TRAF3: variants seen among roughly 807,000 people sequenced by gnomAD.
TRAF3 encodes TNF receptor-associated factor 3.
A neutral mutation model predicts 62.3 loss-of-function variants in TRAF3; 13 were observed. The observed-to-expected ratio is 0.21, with a 90% CI of 0.14 to 0.33. TRAF3 has a LOEUF of 0.33. TRAF3 is among the 10% of genes least tolerant of loss of function. The probability of loss-of-function intolerance (pLI) is 1.00; values close to 1 mark genes in which losing one functional copy is unlikely to be tolerated. For synonymous variants in TRAF3, 269 were observed against 283.4 expected (o/e 0.95, Z 0.51); for missense variants, 440 against 741.8 (o/e 0.59, Z 4.73).
chr14:102,855,715 G>C (rs1397757211), intron 2 of TRAF3, among the ~76,000 whole-genome samples: 2 of 151,396 alleles, frequency 1.3e-5, no homozygotes, highest in Non-Finnish European at 2.9e-5. Context: ...AGAATCACTT[G>C]AGCCTGAGGG....
intron 8 of TRAF3, 151 bp downstream of exon 8, chr14:102,889,785 C>CA (rs1889606969): frequency 1.1e-6 from 1 of 927,920 alleles, no homozygotes; most frequent in Non-Finnish European, 1.7e-6. Context: ...AAGCCACATG[C>CA]AGCAGGTGGG....
Position 102,903,566 on chromosome 14 carries a change from G to A in TRAF3, c.1135+137G>A. On this transcript the variant is annotated intron_variant, in intron 11 of 11. Transcript: ENST00000392745. This position sits in a 1 kb window ranked among gnomAD's most constrained non-coding sequence, Gnocchi z 6.4. The stretch of plus-strand genomic sequence containing the variant: ...TTTTTCTAATTATGGGTAACACGCA[G>A]AGGTGTGATGACTTTCCTACTGAAA... 1 of 1,247,828 alleles carries A rather than the reference G, an allele frequency of 8.0e-7. No individual in the cohort carries two copies. 77.3% of individuals were successfully genotyped at this position (1,247,828 alleles called of 1,614,324 possible).
At chr14:102,892,750 A>G (rs1412464311) in intron 9 of TRAF3, among the ~76,000 whole-genome samples, 1 of 152,216 alleles carries the variant, frequency 6.6e-6, no homozygotes, top group Non-Finnish European at 1.5e-5. Context: ...TTTTAAATAG[A>G]AAGATTTCCC....
At chr14:102,818,160 T>C (rs147021872) in intron 1 of TRAF3, among the ~76,000 whole-genome samples, 8 of 152,344 alleles carry the variant, frequency 5.3e-5, no homozygotes, top group South Asian at 2.1e-4. Flanking sequence ...CAAAACACTT[T>C]ACAAATACAC....
intron 1 of TRAF3, among the ~76,000 whole-genome samples, chr14:102,799,601 C>T (rs1898276735): frequency 6.6e-6 from 1 of 152,140 alleles, no homozygotes; most frequent in Non-Finnish European, 1.5e-5. Context: ...CAGGCACATG[C>T]CACCATACCT....
rs1430574516 is a variant in TRAF3 at position 102,826,914 on chromosome 14, C to G, written c.-156-3420C>G. ...TGCCCTGGTGCCTCCCCGTGGTCAC[C>G]ATGTGCCTTGGGCAAATGGAGGCCT... On this transcript the variant is annotated intron_variant, in intron 1 of 11. Transcript: ENST00000392745. This position sits in a 1 kb window ranked among gnomAD's most constrained non-coding sequence, Gnocchi z 4.6. 6.6e-6 allele frequency among the ~76,000 whole-genome samples: 1 copy of G among 152,170 alleles called. No individual in the cohort carries two copies. Among genetic ancestry groups the G allele is most frequent in the Non-Finnish European group, 1.5e-5 (1 of 68,018 alleles).
chr14:102,875,891 A>G (rs1888619773), intron 5 of TRAF3, among the ~76,000 whole-genome samples, 163 bp downstream of exon 5: 1 of 152,178 alleles, frequency 6.6e-6, no homozygotes. Flanking sequence ...CTTGAGTATA[A>G]GTTGTTATTT....
chr14:102,842,051 C>T lies in TRAF3; in HGVS notation c.-18+11579C>T, dbSNP rs575666528. The stretch of plus-strand genomic sequence containing the variant: ...TTTGAGGTCTGGAGTTGAAGAGTAG[C>T]CTGGCCAACATGGCGAAACCTCGTC... On this transcript the variant is annotated intron_variant, in intron 2 of 11. Coordinates refer to ENST00000392745, the MANE Select transcript of TRAF3 (RefSeq NM_145725.3). 2.0e-5 allele frequency among the ~76,000 whole-genome samples: 3 copies of T among 152,044 alleles called. No individual in the cohort carries two copies. In the South Asian group the frequency reaches 6.2e-4, roughly 32 times the overall value.
intron 11 of TRAF3, among the ~76,000 whole-genome samples, chr14:102,904,359 C>T (rs1230699522): frequency 1.3e-5 from 2 of 152,206 alleles, no homozygotes; most frequent in Non-Finnish European, 2.9e-5. Context: ...CCAGAAACCA[C>T]AGTGATTTTT....
Position 102,907,172 on chromosome 14 carries a change from G to T in TRAF3, c.*1388G>T, listed in dbSNP as rs1462574624. 6.6e-6 allele frequency: 1 copy of T among 152,256 alleles called. No homozygotes were observed. The highest frequency in any genetic ancestry group is 6.5e-5 in the Admixed American group (1 of 15,290). The allele number at this position is 152,256 out of a possible 1,614,324, so 9.4% of individuals were successfully genotyped here. ...GCCTGGTCCCACCCTGAGGGAGGCA[G>T]GTGTGGAACAGAAGCCGAGCCTCTC... On this transcript the variant is annotated 3_prime_UTR_variant, in exon 12 of 12. Transcript: ENST00000392745.
chr14:102,905,271 C>T lies in TRAF3; in HGVS notation c.1194C>T (p.Arg398=), dbSNP rs151258452. The T allele has an allele frequency of 4.9e-4, 789 of 1,614,238 alleles. 1 individual carries two copies. The highest frequency in any genetic ancestry group is 6.3e-4 in the Non-Finnish European group (741 of 1,180,056). ...HDQMLSVHDI[R]LADMDLRFQV... ...AGATGCTGAGTGTGCACGACATCCG[C>T]CTAGCCGACATGGACCTGCGCTTCC... Residue 398 remains arginine, a synonymous_variant, in exon 12 of 12, where the codon CGC becomes CGT. Coordinates refer to ENST00000392745, the MANE Select transcript of TRAF3 (RefSeq NM_145725.3).
chr14:102,857,848 A>G (rs1566778759), intron 2 of TRAF3, among the ~76,000 whole-genome samples: 1 of 152,252 alleles, frequency 6.6e-6, no homozygotes, highest in Non-Finnish European at 1.5e-5. Flanking sequence ...ACTTGTGCAA[A>G]TAACTATATT....
chr14:102,788,691 A>G (rs1022436498), intron 1 of TRAF3, among the ~76,000 whole-genome samples: 1 of 152,136 alleles, frequency 6.6e-6, no homozygotes, highest in African/African-American at 2.4e-5. Flanking sequence ...CCAGCTACTC[A>G]GGAGGCTGAG....
chr14:102,886,490 T>C (rs141499244), intron 7 of TRAF3, among the ~76,000 whole-genome samples: 190 of 152,242 alleles, frequency 1.2e-3, no homozygotes, highest in African/African-American at 3.9e-3. Context: ...GCACAGTGGC[T>C]CACACCTGTA....
intron 2 of TRAF3, among the ~76,000 whole-genome samples, chr14:102,856,606 T>C (rs1887387883): frequency 6.6e-6 from 1 of 152,162 alleles, no homozygotes; most frequent in Non-Finnish European, 1.5e-5. Context: ...TCCTGTCTCA[T>C]CCTGTGACTT....
intron 2 of TRAF3, among the ~76,000 whole-genome samples, chr14:102,845,573 T>G (rs557747348): frequency 2.7e-5 from 4 of 150,526 alleles, no homozygotes; most frequent in East Asian, 4.0e-4. Flanking sequence ...TGGAGTGCAG[T>G]GGCGCCATCT....
chr14:102,905,620 G>A lies in TRAF3; in HGVS notation c.1543G>A (p.Asp515Asn), dbSNP rs1890549424. 1 of 1,614,178 alleles carries A rather than the reference G, an allele frequency of 6.2e-7. No homozygotes were observed. The highest frequency in any genetic ancestry group is 2.2e-5 in the East Asian group (1 of 44,890). The change falls in exon 12 of 12, where the codon GAC becomes AAC. Residue 515 changes from aspartate (D) to asparagine (N), a missense_variant. Coordinates refer to ENST00000392745, the MANE Select transcript of TRAF3 (RefSeq NM_145725.3). Reference sequence around the variant, plus strand: ...TCATTTGGGAGATGCATTCAAGCCCGACCCCAACAGCAGCAGCTTCAAGAA... The same window carrying A: ...TCATTTGGGAGATGCATTCAAGCCCAACCCCAACAGCAGCAGCTTCAAGAA... ...RRHLGDAFKP[D>N]PNSSSFKKPT...
rs750353811 is a variant in TRAF3 at position 102,903,182 on chromosome 14, A to G, written c.961-73A>G. 1.6e-5 allele frequency: 26 copies of G among 1,603,420 alleles called. No homozygotes were observed. Among genetic ancestry groups the G allele is most frequent in the Non-Finnish European group, 2.1e-5 (25 of 1,171,058 alleles). ...ACTGTTCTGCTCCTAGCCTGTCTGT[A>G]TTTGATGGAAGGTGGTGCAGCATTT... On this transcript the variant is annotated intron_variant, in intron 10 of 11. Transcript: ENST00000392745. This position sits in a 1 kb window ranked among gnomAD's most constrained non-coding sequence, Gnocchi z 6.4.
chr14:102,878,373 T>G (rs1472896418), intron 6 of TRAF3, among the ~76,000 whole-genome samples: 17 of 97,122 alleles, frequency 1.8e-4, no homozygotes, highest in Admixed American at 2.8e-4. Flanking sequence ...TAAGTGTGTG[T>G]GGGGGTGAGT....
Sources: gnomAD v4.1 joint callset for allele counts (sites outside exome capture counted in the v4.1 genomes callset) on GRCh38, gnomAD v4.1.1 for gene constraint, Gnocchi (gnomAD v3.1) non-coding constraint, MANE v1.5 for transcripts, NCBI Gene and HGNC (gene_info 2026-07-23, HGNC 2026-07-21) for gene names.